Variants in CASR observed in about 807,000 individuals in gnomAD.
CASR encodes the protein calcium sensing receptor.
A neutral mutation model predicts 69.1 loss-of-function variants in CASR; 23 were observed. The ratio of observed to expected loss-of-function variants is 0.33; its 90% CI spans 0.24 to 0.47. The LOEUF is 0.47. Among genes scored for constraint, CASR ranks in the 20% least tolerant of loss-of-function variants. The pLI is 1.00. For missense variants in CASR, 924 were observed against 1,356.1 expected (o/e 0.68, Z 5.00); for synonymous variants, 541 against 544.7 (o/e 0.99, Z 0.10).
chr3:122,223,984 C>T (rs2074198570), intron 1 of CASR, among the ~76,000 whole-genome samples: 1 of 152,158 alleles, frequency 6.6e-6, no homozygotes, highest in Non-Finnish European at 1.5e-5. Context: ...TGATAAAATT[C>T]AACAGCCCTT....
At chr3:122,201,611 C>T (rs879558378) in intron 1 of CASR, among the ~76,000 whole-genome samples, 54 of 146,202 alleles carry the variant, frequency 3.7e-4, no homozygotes, top group Non-Finnish European at 5.2e-4. Context: ...CCAGACAGGG[C>T]GGCTGGCCGG....
In CASR at chr3:122,282,199, T is replaced by G; in HGVS notation, c.1695T>G (p.Cys565Trp). ...IEGEPTCCFE[C>W]VECPDGEYSD... The stretch of plus-strand genomic sequence containing the variant: ...GGGAGCCCACCTGCTGCTTTGAGTG[T>G]GTGGAGTGTCCTGATGGGGAGTATA... The change falls in exon 6 of 7, where the codon TGT (cysteine) becomes TGG (tryptophan). Residue 565 changes from cysteine to tryptophan, a missense_variant. By Grantham distance (215) the Cys-to-Trp change is radical. This residue lies in a region of CASR where 18 missense variants were observed against 57.9 expected (regional missense o/e 0.31). Transcript: ENST00000639785. The G allele has an allele frequency of 6.2e-7, 1 of 1,614,098 alleles. No homozygotes were observed. Among genetic ancestry groups the G allele is most frequent in the Non-Finnish European group, 8.5e-7 (1 of 1,179,996 alleles).
chr3:122,253,231 T>G (rs1397634150), intron 1 of CASR, among the ~76,000 whole-genome samples: 1 of 152,226 alleles, frequency 6.6e-6, no homozygotes, highest in Non-Finnish European at 1.5e-5. Flanking sequence ...TAAATATGAC[T>G]CATTCTCTAT....
At chr3:122,247,484 A>G (rs1453011914) in intron 1 of CASR, 1 of 152,226 alleles carries the variant, frequency 6.6e-6, no homozygotes, top group Non-Finnish European at 1.5e-5. Context: ...TCGCTTTTCA[A>G]ATGAACCATT....
intron 1 of CASR, among the ~76,000 whole-genome samples, chr3:122,237,804 G>A (rs1427425535): frequency 1.3e-5 from 2 of 152,304 alleles, no homozygotes; most frequent in African/African-American, 4.8e-5. Flanking sequence ...CAAGGACATG[G>A]AGTGATAGAA....
intron 1 of CASR, among the ~76,000 whole-genome samples, chr3:122,195,135 T>G (rs911139407): frequency 6.6e-6 from 1 of 152,172 alleles, no homozygotes; most frequent in African/African-American, 2.4e-5. Flanking sequence ...ATGACAGCAC[T>G]CAACACTCAA....
At chr3:122,262,745 T>C (rs188347759) in intron 4 of CASR, among the ~76,000 whole-genome samples, 1 of 152,336 alleles carries the variant, frequency 6.6e-6, no homozygotes, top group African/African-American at 2.4e-5. Context: ...TTATCAATAT[T>C]GTTCCCTTGT....
intron 5 of CASR, among the ~76,000 whole-genome samples, chr3:122,277,158 C>T (rs919271547): frequency 6.6e-6 from 1 of 151,042 alleles, no homozygotes; most frequent in African/African-American, 2.4e-5. Context: ...AAGCAATTCT[C>T]CCACCTCACC....
intron 1 of CASR, among the ~76,000 whole-genome samples, chr3:122,238,602 G>A (rs1051943536): frequency 3.9e-5 from 6 of 152,222 alleles, no homozygotes; most frequent in Non-Finnish European, 5.9e-5. Flanking sequence ...GGGTGGCTAA[G>A]GGAGTGCTTG....
intron 2 of CASR, 73 bp downstream of exon 2, chr3:122,254,447 A>G: frequency 6.8e-7 from 1 of 1,465,718 alleles, no homozygotes; most frequent in Non-Finnish European, 9.5e-7. Context: ...CAAACGCAAA[A>G]TAATTTTTTC....
intron 1 of CASR, among the ~76,000 whole-genome samples, chr3:122,246,157 T>G (rs1405279012): frequency 2.6e-5 from 4 of 152,206 alleles, no homozygotes; most frequent in Non-Finnish European, 5.9e-5. Context: ...TTCTGTATTT[T>G]AGATTAATGA....
At chr3:122,213,922 G>T (rs1182112322) in intron 1 of CASR, among the ~76,000 whole-genome samples, 1 of 152,166 alleles carries the variant, frequency 6.6e-6, no homozygotes, top group Non-Finnish European at 1.5e-5. Context: ...CCACATGATT[G>T]TCTCTTCTAA....
At chr3:122,266,213 AC>A (rs1187011920) in intron 4 of CASR, among the ~76,000 whole-genome samples, 4 of 149,702 alleles carry the variant, frequency 2.7e-5, no homozygotes, top group African/African-American at 7.5e-5. Flanking sequence ...ATAATGAGCA[AC>A]CGTTTGACTT....
intron 4 of CASR, 29 bp from the exon 5 acceptor site, chr3:122,275,783 G>A (rs935312900): frequency 1.4e-6 from 2 of 1,463,250 alleles, no homozygotes; most frequent in Non-Finnish European, 1.9e-6. Context: ...CAGCCCTGGG[G>A]CTTGTACTCA....
At chr3:122,252,623 A>G (rs1265860691) in intron 1 of CASR, among the ~76,000 whole-genome samples, 1 of 151,976 alleles carries the variant, frequency 6.6e-6, no homozygotes, top group Non-Finnish European at 1.5e-5. Context: ...AATGGATTCC[A>G]GAGAGAATTA....
At chr3:122,268,849 A>T (rs1011424133) in intron 4 of CASR, among the ~76,000 whole-genome samples, 9 of 152,118 alleles carry the variant, frequency 5.9e-5, no homozygotes, top group Admixed American at 4.6e-4. Context: ...TGGTCAGAAA[A>T]CTCTCACACA....
At chr3:122,195,992 A>G (rs916619821) in intron 1 of CASR, among the ~76,000 whole-genome samples, 2 of 152,330 alleles carry the variant, frequency 1.3e-5, no homozygotes, top group African/African-American at 4.8e-5. Context: ...TAAGGAAATA[A>G]TCGTTGATAT....
intron 1 of CASR, among the ~76,000 whole-genome samples, chr3:122,250,924 A>G (rs1396052145): frequency 6.6e-6 from 1 of 152,194 alleles, no homozygotes; most frequent in Non-Finnish European, 1.5e-5. Context: ...TCCTGAGGAT[A>G]TAAACATGCA....
rs534635578 is a variant in CASR, at chr3:122,193,873, C to T, written c.-243+10061C>T. Among the ~76,000 whole-genome samples, 7 of 152,004 alleles carry T rather than the reference C, an allele frequency of 4.6e-5. No homozygotes were observed. In the South Asian group the frequency reaches 6.2e-4, roughly 14 times the overall value. On this transcript the variant is annotated intron_variant, in intron 1 of 6. Coordinates refer to ENST00000639785, the MANE Select transcript of CASR (RefSeq NM_000388.4). ...CTTTTTTTTATCCTTCTGACAACCC[C>T]GAAAGGAGGGTTATTGGAAGGGTTT...
Sources: allele counts gnomAD v4.1 joint callset (sites outside exome capture counted in the v4.1 genomes callset), GRCh38; gene constraint gnomAD v4.1.1; regional missense constraint gnomAD v4.1.1; transcripts MANE v1.5; gene names NCBI Gene and HGNC (gene_info 2026-07-23, HGNC 2026-07-21).